SYT5: variants seen among roughly 807,000 people sequenced by gnomAD.
SYT5 encodes the protein synaptotagmin-5.
SYT5 carries 29 observed loss-of-function variants against 36.0 expected under a neutral mutation model. The ratio of observed to expected loss-of-function variants is 0.81; its 90% CI spans 0.60 to 1.10. The LOEUF is 1.10. SYT5 is among the 50% of genes least tolerant of loss of function. The pLI, the probability that SYT5 is intolerant of heterozygous loss-of-function variation, is 0.00. For synonymous variants in SYT5, 231 were observed against 227.6 expected (o/e 1.02, Z -0.14); for missense variants, 512 against 516.0 (o/e 0.99, Z 0.08).
rs2086015899 is a variant in SYT5 at position 55,172,467 on chromosome 19, CAA to C, written c.*1015_*1016del. 1.4e-5 allele frequency: 2 copies of C among 144,384 alleles called. No homozygotes were observed. The highest frequency in any genetic ancestry group is 2.6e-5 in the African/African-American group (1 of 38,864). The allele number at this position is 144,384 out of a possible 1,614,324, so 8.9% of individuals were successfully genotyped here. On this transcript the variant is annotated 3_prime_UTR_variant, in exon 9 of 9. Coordinates refer to ENST00000354308, the MANE Select transcript of SYT5 (RefSeq NM_003180.3). ...AAAAAACAAACAAACAAAAAAAAAA[CAA>C]GAGAAAAAGAAAGAAAAGGAAAGAC... is the stretch of plus-strand genomic sequence containing the variant.
At position 55,172,611 on chromosome 19, in the gene SYT5, G is replaced by C. The variant is rs556661855; in HGVS notation, c.*873C>G. 1 of 152,100 alleles carries C rather than the reference G, an allele frequency of 6.6e-6. No homozygotes were observed. The highest frequency in any genetic ancestry group is 1.5e-5 in the Non-Finnish European group (1 of 68,052). 9.4% of individuals were successfully genotyped at this position (152,100 alleles called of 1,614,324 possible). A position where few individuals can be genotyped will look rare whatever the true frequency, so the allele number is the denominator to read the frequency against. ...CAGGCTCTGGAGATTGTATTCCCTGGCTCCGCGCCTCTCCTTTGTTTTGAT... is the reference window on the plus strand; with the variant it reads ...CAGGCTCTGGAGATTGTATTCCCTGCCTCCGCGCCTCTCCTTTGTTTTGAT... On this transcript the variant is annotated 3_prime_UTR_variant, in exon 9 of 9. Coordinates refer to ENST00000354308, the MANE Select transcript of SYT5 (RefSeq NM_003180.3).
chr19:55,176,263 A>T, intron 3 of SYT5, 139 bp from the exon 4 acceptor site: 1 of 1,173,632 alleles, frequency 8.5e-7, no homozygotes, highest in Non-Finnish European at 1.2e-6. Context: ...GTATTTGACT[A>T]GTGCTGTCTG....
At chr19:55,176,222 T>TA in intron 3 of SYT5, 98 bp from the exon 4 acceptor site, 1 of 1,545,354 alleles carries the variant, frequency 6.5e-7, no homozygotes, top group African/African-American at 1.4e-5. Flanking sequence ...CCTTGGGCTA[T>TA]ACCTGAGCTC....
Position 55,179,058 on chromosome 19 carries a change from A to C in SYT5, c.-17T>G, listed in dbSNP as rs371447173. The C allele has an allele frequency of 1.2e-6, 2 of 1,600,088 alleles. No individual in the cohort carries two copies. The highest frequency in any genetic ancestry group is 1.7e-6 in the Non-Finnish European group (2 of 1,175,264). ...CGGGAACATGGTGGCGGGGTCCTGG[A>C]GTCTTTTCTGCAGAGACACTCAAGC... On this transcript the variant is annotated 5_prime_UTR_variant, in exon 2 of 9. Transcript: ENST00000354308. This position sits in a 1 kb window ranked among gnomAD's most constrained non-coding sequence, Gnocchi z 4.5.
Position 55,173,545 on chromosome 19 carries a change from G to A in SYT5, c.1100C>T (p.Pro367Leu), listed in dbSNP as rs969811362. ...CCGCAGCGAGTGCCACTGGGCAATG[G>A]GCCGCCGCGGGTTGGCCAGCATGTC... is the stretch of plus-strand genomic sequence containing the variant. The part of the protein sequence containing the change: ...WADMLANPRR[P>L]IAQWHSLRPP... The change falls in exon 9 of 9, where the codon CCC (proline) becomes CTC (leucine). Residue 367 changes from proline (P) to leucine (L), a missense_variant. Physicochemically the swap from Pro to Leu is moderately conservative, Grantham distance 98. Transcript: ENST00000354308. This position sits in a 1 kb window ranked among gnomAD's most constrained non-coding sequence, Gnocchi z 5.4. 48 of 1,430,508 alleles carry A rather than the reference G, an allele frequency of 3.4e-5. 1 individual carries two copies. Among genetic ancestry groups the A allele is most frequent in the Non-Finnish European group, 4.2e-5 (46 of 1,092,954 alleles). 88.6% of individuals were successfully genotyped at this position (1,430,508 alleles called of 1,614,324 possible).
intron 3 of SYT5, chr19:55,177,307 C>G (rs2147333216): frequency 6.6e-6 from 1 of 152,250 alleles, no homozygotes; most frequent in East Asian, 1.9e-4. Flanking sequence ...CCAAATAAGC[C>G]TCAGAATCTG....
At position 55,173,887 on chromosome 19, in the gene SYT5, C is replaced by A. The variant is rs2086034988; in HGVS notation, c.961-203G>T. On this transcript the variant is annotated intron_variant, in intron 8 of 8. Coordinates refer to ENST00000354308, the MANE Select transcript of SYT5 (RefSeq NM_003180.3). This position sits in a 1 kb window ranked among gnomAD's most constrained non-coding sequence, Gnocchi z 5.4. ...GGAGGCTCTGGCGCCTTTCTTCCTGCGCAGCCAGGTTTCTAAGGAAATGAA... is the reference window on the plus strand; with the variant it reads ...GGAGGCTCTGGCGCCTTTCTTCCTGAGCAGCCAGGTTTCTAAGGAAATGAA... 1 of 464,772 alleles carries A rather than the reference C, an allele frequency of 2.2e-6. No homozygotes were observed. Among genetic ancestry groups the A allele is most frequent in the Non-Finnish European group, 3.6e-6 (1 of 280,038 alleles). The allele number at this position is 464,772 out of a possible 1,614,324, so 28.8% of individuals were successfully genotyped here. A position where few individuals can be genotyped will look rare whatever the true frequency, so the allele number is the denominator to read the frequency against.
Position 55,175,909 on chromosome 19 carries a change from G to T in SYT5, c.373-33C>A. 1 of 1,613,668 alleles carries T rather than the reference G, an allele frequency of 6.2e-7. No individual in the cohort carries two copies. The highest frequency in any genetic ancestry group is 8.5e-7 in the Non-Finnish European group (1 of 1,179,700). The stretch of plus-strand genomic sequence containing the variant: ...GCCCAGGCACAGTGGGGGAGGTGGG[G>T]AACACTAGTCTTAGCCTCCCTTCCA... On this transcript the variant is annotated intron_variant, in intron 4 of 8. Transcript: ENST00000354308. The surrounding 1 kb of genome is among the most constrained non-coding windows in gnomAD (Gnocchi z 4.5).
Position 55,173,514 on chromosome 19 carries a change from C to T in SYT5, c.1131G>A (p.Pro377=), listed in dbSNP as rs1180247256. The part of the protein sequence containing the change: ...PIAQWHSLRP[P]DRVRLLPAP ...GCGCAGGCAGCAGCCTCACTCGGTC[C>T]GGGGGCCGCAGCGAGTGCCACTGGG... Residue 377 remains proline, a synonymous_variant, in exon 9 of 9, where the codon CCG becomes CCA. Coordinates refer to ENST00000354308, the MANE Select transcript of SYT5 (RefSeq NM_003180.3). This position sits in a 1 kb window ranked among gnomAD's most constrained non-coding sequence, Gnocchi z 5.4. 7 of 1,390,702 alleles carry T rather than the reference C, an allele frequency of 5.0e-6. No individual in the cohort carries two copies. Among genetic ancestry groups the T allele is most frequent in the East Asian group, 3.1e-5 (1 of 32,082 alleles). 86.1% of individuals were successfully genotyped at this position (1,390,702 alleles called of 1,614,324 possible). A position where few individuals can be genotyped will look rare whatever the true frequency, so the allele number is the denominator to read the frequency against.
In SYT5 at chr19:55,174,113, TCTGGTCCCGCTTAGGAGTGGGGCATC is replaced by T. The variant is rs1258294496; in HGVS notation, c.960+378_960+403del. ...TCCTGGTCCTGCTTAGGGTGGGGAATCTGGTCCCGCTTAGGAGTGGGGCATCCTGGTCCCGCTTGGGGGCGGGGCAT... is the reference window on the plus strand; with the variant it reads ...TCCTGGTCCTGCTTAGGGTGGGGAATCTGGTCCCGCTTGGGGGCGGGGCAT... On this transcript the variant is annotated intron_variant, in intron 8 of 8. Coordinates refer to ENST00000354308, the MANE Select transcript of SYT5 (RefSeq NM_003180.3). 3.2e-4 allele frequency: 63 copies of T among 198,568 alleles called. No individual in the cohort carries two copies. In the East Asian group the frequency reaches 7.3e-3, roughly 23 times the overall value. The allele number at this position is 198,568 out of a possible 1,614,324, so 12.3% of individuals were successfully genotyped here. A position where few individuals can be genotyped will look rare whatever the true frequency, so the allele number is the denominator to read the frequency against.
Position 55,175,253 on chromosome 19 carries a change from C to G in SYT5, c.627G>C (p.Glu209Asp), listed in dbSNP as rs1378675864. Residue 209 changes from glutamate (E) to aspartate (D), a missense_variant, in exon 6 of 9, where the codon GAG becomes GAC. Transcript: ENST00000354308. This position sits in a 1 kb window ranked among gnomAD's most constrained non-coding sequence, Gnocchi z 4.5. The part of the protein sequence containing the change: ...DRFSRNDAIG[E>D]VRVPMSSVDL... ...CCACGGAGCTCATAGGGACCCGCACCTCCCCGATGGCGTCATTGCGAGAGA... is the reference window on the plus strand; with the variant it reads ...CCACGGAGCTCATAGGGACCCGCACGTCCCCGATGGCGTCATTGCGAGAGA... 1 of 1,608,332 alleles carries G rather than the reference C, an allele frequency of 6.2e-7. No homozygotes were observed. Among genetic ancestry groups the G allele is most frequent in the Non-Finnish European group, 8.5e-7 (1 of 1,178,232 alleles).
rs761119101 is a variant in SYT5, at chr19:55,178,992, G to C, written c.50C>G (p.Pro17Arg). The change falls in exon 2 of 9, where the codon CCC becomes CGC. Residue 17 changes from proline to arginine, a missense_variant. Pro to Arg is a moderately radical substitution (Grantham distance 103, BLOSUM62 -2). Coordinates refer to ENST00000354308, the MANE Select transcript of SYT5 (RefSeq NM_003180.3). ...TPGPPSPDTP[P>R]DSSRISHGPV... is the part of the protein sequence containing the mutation. ...GCCGTGGCTGATGCGACTGGAGTCG[G>C]GAGGCGTGTCGGGCGATGGAGGCCC... is the stretch of plus-strand genomic sequence containing the variant. The C allele has an allele frequency of 6.9e-6, 11 of 1,588,160 alleles. No homozygotes were observed. In the South Asian group the frequency reaches 1.3e-4, roughly 18 times the overall value.
intron 3 of SYT5, among the ~76,000 whole-genome samples, chr19:55,177,844 C>T (rs920613315): frequency 2.0e-5 from 3 of 152,192 alleles, no homozygotes; most frequent in African/African-American, 4.8e-5. Context: ...CGTGAGCCAC[C>T]GCACCCGGCC....
intron 7 of SYT5, 111 bp downstream of exon 7, chr19:55,174,771 G>T: frequency 6.4e-7 from 1 of 1,569,670 alleles, no homozygotes; most frequent in Non-Finnish European, 8.7e-7. Flanking sequence ...GCCTTCCACA[G>T]CAGCCAGGTC....
In SYT5 at chr19:55,179,069, C is replaced by T. The variant is rs774672611; in HGVS notation, c.-28G>A. ...TGGCGGGGTCCTGGAGTCTTTTCTG[C>T]AGAGACACTCAAGCACCCTAGTCCC... On this transcript the variant is annotated 5_prime_UTR_variant, in exon 2 of 9. Coordinates refer to ENST00000354308, the MANE Select transcript of SYT5 (RefSeq NM_003180.3). This position sits in a 1 kb window ranked among gnomAD's most constrained non-coding sequence, Gnocchi z 4.5. 12 of 1,591,698 alleles carry T rather than the reference C, an allele frequency of 7.5e-6. No homozygotes were observed. The highest frequency in any genetic ancestry group is 6.0e-6 in the Non-Finnish European group (7 of 1,171,284).
rs762183194 is a variant in SYT5, at chr19:55,173,606, C to T, written c.1039G>A (p.Ala347Thr). ...NEAIGRVAVG[A>T]AAGGAGLRHW... ...CGCAGGCCAGCCCCGCCGGCGGCCGCCCCCACGGCCACCCTCCCGATGGCC... is the reference window on the plus strand; with the variant it reads ...CGCAGGCCAGCCCCGCCGGCGGCCGTCCCCACGGCCACCCTCCCGATGGCC... The change falls in exon 9 of 9, where the codon GCG becomes ACG. Residue 347 changes from alanine (A) to threonine (T), a missense_variant. Ala to Thr is a moderately conservative substitution (Grantham distance 58). Transcript: ENST00000354308. This position sits in a 1 kb window ranked among gnomAD's most constrained non-coding sequence, Gnocchi z 5.4. 4.7e-6 allele frequency: 7 copies of T among 1,485,454 alleles called. No individual in the cohort carries two copies. The South Asian group carries it at 9.1e-5, about 19-fold the overall frequency. 92.0% of individuals were successfully genotyped at this position (1,485,454 alleles called of 1,614,324 possible).
chr19:55,173,605 G>A lies in SYT5; in HGVS notation c.1040C>T (p.Ala347Val). ...CCGCAGGCCAGCCCCGCCGGCGGCC[G>A]CCCCCACGGCCACCCTCCCGATGGC... ...NEAIGRVAVG[A>V]AAGGAGLRHW... Residue 347 changes from alanine to valine, a missense_variant, in exon 9 of 9, where the codon GCG becomes GTG. By Grantham distance (64) the Ala-to-Val change is moderately conservative (BLOSUM62 0). Coordinates refer to ENST00000354308, the MANE Select transcript of SYT5 (RefSeq NM_003180.3). The surrounding 1 kb of genome is among the most constrained non-coding windows in gnomAD (Gnocchi z 5.4). 1 of 1,483,758 alleles carries A rather than the reference G, an allele frequency of 6.7e-7. No individual in the cohort carries two copies. The highest frequency in any genetic ancestry group is 1.5e-5 in the African/African-American group (1 of 68,082). 91.9% of individuals were successfully genotyped at this position (1,483,758 alleles called of 1,614,324 possible).
At position 55,173,796 on chromosome 19, in the gene SYT5, C is replaced by G; in HGVS notation, c.961-112G>C. The G allele has an allele frequency of 8.5e-7, 1 of 1,171,502 alleles. No homozygotes were observed. The highest frequency in any genetic ancestry group is 1.1e-6 in the Non-Finnish European group (1 of 912,138). 72.6% of individuals were successfully genotyped at this position (1,171,502 alleles called of 1,614,324 possible). ...TACCTCTCGCTGCCACCCGAGGGCT[C>G]GGGGCCCCGGAGCTCGGGACGGGGG... On this transcript the variant is annotated intron_variant, in intron 8 of 8. Coordinates refer to ENST00000354308, the MANE Select transcript of SYT5 (RefSeq NM_003180.3). This position sits in a 1 kb window ranked among gnomAD's most constrained non-coding sequence, Gnocchi z 5.4.
rs1023198250 is a variant in SYT5, at chr19:55,175,459, A to G, written c.541-120T>C. On this transcript the variant is annotated intron_variant, in intron 5 of 8. Coordinates refer to ENST00000354308, the MANE Select transcript of SYT5 (RefSeq NM_003180.3). This position sits in a 1 kb window ranked among gnomAD's most constrained non-coding sequence, Gnocchi z 4.5. Reference sequence around the variant, plus strand: ...AGGGTCGAAGCGAACAGTTGGGGGAACTCAAATGGGAAAGTCCAGGGATCC... The same window carrying G: ...AGGGTCGAAGCGAACAGTTGGGGGAGCTCAAATGGGAAAGTCCAGGGATCC... 8.3e-6 allele frequency: 10 copies of G among 1,205,450 alleles called. No homozygotes were observed. In the African/African-American group the frequency reaches 1.5e-4, roughly 18 times the overall value. The allele number at this position is 1,205,450 out of a possible 1,614,324, so 74.7% of individuals were successfully genotyped here.
Sources: allele counts gnomAD v4.1 joint callset (sites outside exome capture counted in the v4.1 genomes callset), GRCh38; gene constraint gnomAD v4.1.1; non-coding constraint Gnocchi (gnomAD v3.1); transcripts MANE v1.5; gene names NCBI Gene and HGNC (gene_info 2026-07-23, HGNC 2026-07-21).